CALN1: variants seen among roughly 807,000 people sequenced by gnomAD.
CALN1 encodes calneuron 1.
CALN1 carries 17 observed loss-of-function variants against 30.6 expected under a neutral mutation model. The observed-to-expected ratio is 0.56, with a 90% CI of 0.38 to 0.83. The LOEUF (loss-of-function observed/expected upper bound fraction) is 0.83, where lower values mean the gene tolerates loss of function less well. Among genes scored for constraint, CALN1 ranks in the 40% least tolerant of loss-of-function variants. The probability of loss-of-function intolerance (pLI) is 0.00; values close to 1 mark genes in which losing one functional copy is unlikely to be tolerated. For synonymous variants in CALN1, 156 were observed against 131.4 expected (o/e 1.19, Z -1.28); for missense variants, 291 against 354.9 (o/e 0.82, Z 1.45).
At chr7:72,158,752 G>A (rs1020060336) in intron 3 of CALN1, among the ~76,000 whole-genome samples, 4 of 152,182 alleles carry the variant, frequency 2.6e-5, no homozygotes, top group Admixed American at 1.3e-4. Context: ...AGTGGAGCGA[G>A]TAGTTTGAAA....
chr7:71,899,778 G>A (rs1297492806), intron 5 of CALN1, among the ~76,000 whole-genome samples: 1 of 152,094 alleles, frequency 6.6e-6, no homozygotes, highest in Non-Finnish European at 1.5e-5. Context: ...ACAACAAAAT[G>A]TCACCATATG....
intron 3 of CALN1, among the ~76,000 whole-genome samples, chr7:72,195,824 G>A (rs1252093130): frequency 6.6e-6 from 1 of 152,036 alleles, no homozygotes; most frequent in African/African-American, 2.4e-5. Context: ...GTTACAAGGT[G>A]TCATTATTTA....
chr7:72,002,831 A>G (rs913307997), intron 5 of CALN1, among the ~76,000 whole-genome samples: 10 of 152,228 alleles, frequency 6.6e-5, no homozygotes, highest in African/African-American at 1.4e-4. Context: ...TCTCACTTAT[A>G]TGTAGAATCT....
chr7:72,116,844 T>C (rs1808019843), intron 3 of CALN1, among the ~76,000 whole-genome samples: 2 of 152,186 alleles, frequency 1.3e-5, no homozygotes, highest in Non-Finnish European at 2.9e-5. Flanking sequence ...ATGGCTCAGG[T>C]ACAGTCTCAA....
At chr7:72,130,414 A>G (rs1009659536) in intron 3 of CALN1, among the ~76,000 whole-genome samples, 2 of 152,180 alleles carry the variant, frequency 1.3e-5, no homozygotes, top group African/African-American at 4.8e-5. Flanking sequence ...CTTATGAAAA[A>G]AAGAAGAAAG....
chr7:72,441,355 T>G (rs1188846256), intron 1 of CALN1, among the ~76,000 whole-genome samples: 1 of 151,942 alleles, frequency 6.6e-6, no homozygotes, highest in Non-Finnish European at 1.5e-5. Flanking sequence ...CCCAGCACTT[T>G]GGGAAGCCCA....
intron 3 of CALN1, among the ~76,000 whole-genome samples, chr7:72,205,817 A>C (rs28610137): frequency 6.6e-6 from 1 of 151,730 alleles, no homozygotes; most frequent in Non-Finnish European, 1.5e-5. Context: ...CATATTTTAT[A>C]TTTAACTCTT....
intron 2 of CALN1, among the ~76,000 whole-genome samples, chr7:72,306,891 T>C (rs1799693603): frequency 6.6e-6 from 1 of 152,266 alleles, no homozygotes; most frequent in Non-Finnish European, 1.5e-5. Flanking sequence ...AATAAATCTT[T>C]TCAGGTATTT....
intron 5 of CALN1, among the ~76,000 whole-genome samples, chr7:71,851,974 C>T (rs1000924498): frequency 6.6e-6 from 1 of 151,992 alleles, no homozygotes; most frequent in African/African-American, 2.4e-5. Flanking sequence ...AATGACCCTG[C>T]AGAACCCGAG....
At chr7:72,093,510 C>A (rs1261998920) in intron 4 of CALN1, among the ~76,000 whole-genome samples, 1 of 152,276 alleles carries the variant, frequency 6.6e-6, no homozygotes, top group African/African-American at 2.4e-5. Flanking sequence ...CTACTGCATG[C>A]ATTAGCATTA....
chr7:72,271,868 C>G (rs1797016314), intron 3 of CALN1, among the ~76,000 whole-genome samples: 1 of 151,388 alleles, frequency 6.6e-6, no homozygotes, highest in African/African-American at 2.4e-5. Context: ...TCAAGACTAG[C>G]CTGGCCAACA....
At chr7:71,915,791 C>T (rs1794664177) in intron 5 of CALN1, among the ~76,000 whole-genome samples, 2 of 152,036 alleles carry the variant, frequency 1.3e-5, no homozygotes, top group African/African-American at 4.8e-5. Flanking sequence ...TAGAGCAGGG[C>T]CCTGAGGATA....
intron 2 of CALN1, chr7:72,337,166 G>T (rs1160493022): frequency 7.1e-6 from 7 of 985,230 alleles, no homozygotes; most frequent in African/African-American, 1.7e-5. Context: ...GAAACTCCAT[G>T]CAGCTCCGGC....
chr7:72,282,059 A>G (rs771361465), intron 2 of CALN1, among the ~76,000 whole-genome samples: 1 of 152,236 alleles, frequency 6.6e-6, no homozygotes, highest in Admixed American at 6.5e-5. Flanking sequence ...ATATAGATAT[A>G]TAAAGTCATG....
At chr7:72,054,500 CATATAT>C (rs1330349619) in intron 4 of CALN1, among the ~76,000 whole-genome samples, 3 of 106,110 alleles carry the variant, frequency 2.8e-5, no homozygotes, top group Non-Finnish European at 1.6e-5. Flanking sequence ...TACATATATA[CATATAT>C]ATACATATAT....
chr7:72,088,173 A>T (rs1190226077), intron 4 of CALN1, among the ~76,000 whole-genome samples: 1 of 152,016 alleles, frequency 6.6e-6, no homozygotes, highest in Non-Finnish European at 1.5e-5. Context: ...GTCTCTAAAA[A>T]CTGAGAGTGT....
the CALN1 span, among the ~76,000 whole-genome samples, chr7:72,462,902 C>T: frequency 6.6e-6 from 1 of 152,200 alleles, no homozygotes; most frequent in Non-Finnish European, 1.5e-5. Flanking sequence ...CTCAACTGCC[C>T]AGATTCTACC....
intron 5 of CALN1, among the ~76,000 whole-genome samples, chr7:71,985,096 A>G (rs1390765837): frequency 2.0e-5 from 3 of 152,146 alleles, no homozygotes; most frequent in South Asian, 4.1e-4. Context: ...AAGAAGAAAA[A>G]GACACACCAC....
chr7:72,122,330 C>T (rs1482079907), intron 3 of CALN1, among the ~76,000 whole-genome samples: 3 of 152,088 alleles, frequency 2.0e-5, no homozygotes, highest in Non-Finnish European at 1.5e-5. Context: ...GCCAGAAGAA[C>T]AAAATCCAAG....
Sources: allele counts gnomAD v4.1 joint callset (sites outside exome capture counted in the v4.1 genomes callset), GRCh38; gene constraint gnomAD v4.1.1; transcripts MANE v1.5; gene names NCBI Gene and HGNC (gene_info 2026-07-23, HGNC 2026-07-21).